Variants in PRKAG2 observed in about 807,000 individuals in gnomAD.
PRKAG2 encodes the protein protein kinase AMP-activated non-catalytic subunit gamma 2.
A neutral mutation model predicts 69.6 loss-of-function variants in PRKAG2; 26 were observed. The observed-to-expected ratio is 0.37, with a 90% CI of 0.27 to 0.52. PRKAG2 has a LOEUF of 0.52. PRKAG2 is among the 20% of genes least tolerant of loss of function. The pLI is 0.90. For missense variants in PRKAG2, 557 were observed against 740.0 expected (o/e 0.75, Z 2.87); for synonymous variants, 293 against 285.0 (o/e 1.03, Z -0.28).
rs1826138773 is a variant in PRKAG2, at chr7:151,638,579, A to G, written c.685-6441T>C. 2.0e-5 allele frequency among the ~76,000 whole-genome samples: 3 copies of G among 152,066 alleles called. No homozygotes were observed. The highest frequency in any genetic ancestry group is 7.2e-5 in the African/African-American group (3 of 41,410). The stretch of plus-strand genomic sequence containing the variant: ...AACCCAGGAGGCGGAACTTGGAGTG[A>G]GCCAAGATTGCACCACTGCACTCCA... On this transcript the variant is annotated intron_variant, in intron 4 of 15. Transcript: ENST00000287878. The surrounding 1 kb of genome is among the most constrained non-coding windows in gnomAD (Gnocchi z 4.3).
At chr7:151,594,058 A>G (rs929606812) in intron 6 of PRKAG2, among the ~76,000 whole-genome samples, 2 of 152,150 alleles carry the variant, frequency 1.3e-5, no homozygotes, top group African/African-American at 4.8e-5. Flanking sequence ...GGAGGTCTAA[A>G]GGGCCTGGTG....
chr7:151,640,246 G>T (rs538950666), intron 4 of PRKAG2, among the ~76,000 whole-genome samples: 26 of 152,292 alleles, frequency 1.7e-4, no homozygotes, highest in African/African-American at 5.3e-4. Flanking sequence ...GGAGGCGGAG[G>T]TTGCAGTAAA....
chr7:151,608,476 C>T (rs1288308992), intron 5 of PRKAG2, among the ~76,000 whole-genome samples: 2 of 152,144 alleles, frequency 1.3e-5, no homozygotes, highest in Admixed American at 1.3e-4. Flanking sequence ...CTTAGACATG[C>T]GCACCGGGGG....
intron 1 of PRKAG2, among the ~76,000 whole-genome samples, chr7:151,830,263 C>T (rs893407294): frequency 1.3e-5 from 2 of 151,856 alleles, no homozygotes; most frequent in Non-Finnish European, 2.9e-5. Flanking sequence ...GCAGGCTGAC[C>T]GGGAGCCACC....
intron 5 of PRKAG2, among the ~76,000 whole-genome samples, chr7:151,615,328 C>T (rs2151240030): frequency 6.6e-6 from 1 of 152,308 alleles, no homozygotes; most frequent in South Asian, 2.1e-4. Flanking sequence ...AATAGTGCTG[C>T]AATGGACATA....
At chr7:151,789,945 T>A (rs1262426337) in intron 1 of PRKAG2, among the ~76,000 whole-genome samples, 1 of 152,162 alleles carries the variant, frequency 6.6e-6, no homozygotes, top group Non-Finnish European at 1.5e-5. Context: ...GTCTCCTCCT[T>A]TCAGCAACAG....
At chr7:151,875,649 G>T (rs1016071157) in intron 1 of PRKAG2, among the ~76,000 whole-genome samples, 1 of 151,402 alleles carries the variant, frequency 6.6e-6, no homozygotes, top group African/African-American at 2.4e-5. Context: ...GAGGCGGAGG[G>T]TGTGACCCAG....
chr7:151,648,483 C>T (rs532496492), intron 4 of PRKAG2, among the ~76,000 whole-genome samples: 5 of 152,184 alleles, frequency 3.3e-5, no homozygotes, highest in South Asian at 2.1e-4. Flanking sequence ...GGGAAAAGCA[C>T]GGAGACATTG....
At chr7:151,558,857 T>C (rs1804333112) in intron 15 of PRKAG2, 1 of 985,280 alleles carries the variant, frequency 1.0e-6, no homozygotes, top group Admixed American at 6.1e-5. Flanking sequence ...AAATTTGAAC[T>C]CATCCAGCAC....
chr7:151,641,922 C>CAGT (rs1259263064), intron 4 of PRKAG2, among the ~76,000 whole-genome samples: 3 of 150,806 alleles, frequency 2.0e-5, no homozygotes, highest in African/African-American at 7.3e-5. Context: ...TGGCCACATG[C>CAGT]AGTAGCTCGG....
At chr7:151,856,437 T>A (rs974037186) in intron 1 of PRKAG2, among the ~76,000 whole-genome samples, 1 of 152,214 alleles carries the variant, frequency 6.6e-6, no homozygotes, top group African/African-American at 2.4e-5. Context: ...GCCTTCTTCA[T>A]TGCCCCAAAT....
At chr7:151,796,641 G>C (rs192148633) in intron 1 of PRKAG2, among the ~76,000 whole-genome samples, 138 of 152,192 alleles carry the variant, frequency 9.1e-4, no homozygotes, top group Admixed American at 2.1e-3. Context: ...GTTGGAGCTC[G>C]GCAAGGACCG....
intron 5 of PRKAG2, among the ~76,000 whole-genome samples, chr7:151,631,381 C>T (rs550644096): frequency 3.9e-5 from 6 of 152,280 alleles, no homozygotes; most frequent in African/African-American, 1.4e-4. Flanking sequence ...GAAAGCTCGT[C>T]ACATTCCATT....
chr7:151,823,547 T>A (rs559446977), intron 1 of PRKAG2, among the ~76,000 whole-genome samples: 2 of 151,494 alleles, frequency 1.3e-5, no homozygotes, highest in Non-Finnish European at 2.9e-5. Flanking sequence ...CCCAAGGAGA[T>A]GGAACCTCAC....
intron 1 of PRKAG2, among the ~76,000 whole-genome samples, chr7:151,839,365 G>C (rs756912605): frequency 3.3e-5 from 5 of 152,194 alleles, no homozygotes; most frequent in African/African-American, 1.2e-4. Flanking sequence ...TTGCAGCTCA[G>C]AAGCGGTCCG....
rs1231448759 is a variant in PRKAG2, at chr7:151,642,181, G to GA, written c.685-10044dup. On this transcript the variant is annotated intron_variant, in intron 4 of 15. Transcript: ENST00000287878. Reference sequence around the variant, plus strand: ...AAACACTGTCTCTGCTAAAAATACAGAAAAAAAAAAAATTAGCCAGGCATG... The same window carrying GA: ...AAACACTGTCTCTGCTAAAAATACAGAAAAAAAAAAAAATTAGCCAGGCATG... Among the ~76,000 whole-genome samples the GA allele has an allele frequency of 2.1e-3, 297 of 142,536 alleles. 1 individual carries two copies. Among genetic ancestry groups the GA allele is most frequent in the African/African-American group, 4.6e-3 (179 of 39,272 alleles). The allele number at this position is 142,536 out of a possible 152,430, so 93.5% of individuals were successfully genotyped here. A position where few individuals can be genotyped will look rare whatever the true frequency, so the allele number is the denominator to read the frequency against.
chr7:151,805,743 T>C (rs1230189842), intron 1 of PRKAG2, among the ~76,000 whole-genome samples: 1 of 152,216 alleles, frequency 6.6e-6, no homozygotes, highest in Non-Finnish European at 1.5e-5. Context: ...CTATGATTAC[T>C]GAACCCAGGG....
chr7:151,651,351 A>G (rs948697152), intron 4 of PRKAG2, among the ~76,000 whole-genome samples: 1 of 152,236 alleles, frequency 6.6e-6, no homozygotes, highest in Admixed American at 6.5e-5. Flanking sequence ...TCATGCCTGT[A>G]ATCCCAGCAC....
At chr7:151,686,034 G>A (rs1237142552) in intron 3 of PRKAG2, among the ~76,000 whole-genome samples, 1 of 152,166 alleles carries the variant, frequency 6.6e-6, no homozygotes, top group Admixed American at 6.5e-5. Flanking sequence ...GCAGTCCCCA[G>A]TCCCTGTCCC....
Sources: gnomAD v4.1 joint callset for allele counts (sites outside exome capture counted in the v4.1 genomes callset) on GRCh38, gnomAD v4.1.1 for gene constraint, Gnocchi (gnomAD v3.1) non-coding constraint, MANE v1.5 for transcripts, NCBI Gene and HGNC (gene_info 2026-07-23, HGNC 2026-07-21) for gene names.